Variants in SLCO1C1 observed in about 807,000 individuals in gnomAD.
SLCO1C1 encodes the protein solute carrier organic anion transporter family member 1C1.
In SLCO1C1, 70 loss-of-function variants were observed where a neutral mutation model predicts 76.4. The ratio of observed to expected loss-of-function variants is 0.92; its 90% CI spans 0.76 to 1.12. The LOEUF (loss-of-function observed/expected upper bound fraction) is 1.12. SLCO1C1 is among the 50% of genes most tolerant of loss of function. SLCO1C1 has a pLI of 0.00. For synonymous variants in SLCO1C1, 306 were observed against 286.1 expected (o/e 1.07, Z -0.70); for missense variants, 912 against 823.8 (o/e 1.11, Z -1.31).
intron 2 of SLCO1C1, chr12:20,700,170 G>A (rs1032525986): frequency 6.6e-6 from 1 of 150,652 alleles, no homozygotes; most frequent in African/African-American, 2.4e-5. Flanking sequence ...ATTTTCCAAA[G>A]AGACTACATC....
intron 10 of SLCO1C1, among the ~76,000 whole-genome samples, chr12:20,735,379 C>T (rs1185841154): frequency 6.6e-6 from 1 of 152,126 alleles, no homozygotes; most frequent in African/African-American, 2.4e-5. Context: ...GCATGTTACC[C>T]ACCCACGTAG....
intron 4 of SLCO1C1, 151 bp from the exon 5 acceptor site, chr12:20,711,235 C>G (rs1369813821): frequency 1.6e-5 from 13 of 790,306 alleles, no homozygotes; most frequent in Admixed American, 3.2e-5. Flanking sequence ...TCAGCAAAAT[C>G]TGCTGTTAAA....
intron 1 of SLCO1C1, among the ~76,000 whole-genome samples, chr12:20,696,202 G>A (rs1433477683): frequency 6.6e-6 from 1 of 152,124 alleles, no homozygotes; most frequent in Non-Finnish European, 1.5e-5. Flanking sequence ...TATTAGGTGA[G>A]AAATTAGTTT....
chr12:20,711,345 G>T, intron 4 of SLCO1C1, 41 bp from the exon 5 acceptor site: 2 of 1,597,200 alleles, frequency 1.3e-6, no homozygotes, highest in Non-Finnish European at 1.7e-6. Flanking sequence ...TTAGTATGAT[G>T]TTAATGAGTC....
rs529826736 is a variant in SLCO1C1, at chr12:20,707,306, G to A, written c.404+1225G>A. 5.3e-5 allele frequency among the ~76,000 whole-genome samples: 8 copies of A among 152,070 alleles called. No homozygotes were observed. In the South Asian group the frequency reaches 8.3e-4, roughly 16 times the overall value. On this transcript the variant is annotated intron_variant, in intron 4 of 14. Transcript: ENST00000266509. The stretch of plus-strand genomic sequence containing the variant: ...GGGAAGGAGAAGAATGAGAAAATGG[G>A]TCTCCAACCTGCCTACTCCCTGCTT...
intron 7 of SLCO1C1, among the ~76,000 whole-genome samples, chr12:20,718,632 G>C (rs1261983437): frequency 6.6e-6 from 1 of 152,110 alleles, no homozygotes; most frequent in Non-Finnish European, 1.5e-5. Context: ...ACTGGAGGGT[G>C]CAGAGCATAA....
In SLCO1C1 at chr12:20,715,243, C is replaced by G; in HGVS notation, c.634C>G (p.Leu212Val). 6.2e-7 allele frequency: 1 copy of G among 1,613,982 alleles called. No individual in the cohort carries two copies. Among genetic ancestry groups the G allele is most frequent in the Non-Finnish European group, 8.5e-7 (1 of 1,179,914 alleles). ...TPIQPLGIAYLDDFASEDNAA... is the reference protein window; with the variant it reads ...TPIQPLGIAYVDDFASEDNAA... ...CATTCAGCCTTTGGGCATTGCCTAC[C>G]TGGATGATTTTGCCAGTGAAGACAA... The change falls in exon 6 of 15, where the codon CTG becomes GTG. Residue 212 changes from leucine to valine, a missense_variant. Coordinates refer to ENST00000266509, the MANE Select transcript of SLCO1C1 (RefSeq NM_017435.5).
At chr12:20,710,223 T>TTTTTTTTTTTTTTTTTTC (rs1555122286) in intron 4 of SLCO1C1, among the ~76,000 whole-genome samples, 1 of 133,776 alleles carries the variant, frequency 7.5e-6, no homozygotes, top group African/African-American at 2.7e-5. Flanking sequence ...TTTTTTTTTT[T>TTTTTTTTTTTTTTTTTTC]TTGAGATGGA....
chr12:20,699,564 G>A lies in SLCO1C1; in HGVS notation c.-13G>A. 6.3e-7 allele frequency: 1 copy of A among 1,599,492 alleles called. No homozygotes were observed. The highest frequency in any genetic ancestry group is 8.5e-7 in the Non-Finnish European group (1 of 1,174,944). On this transcript the variant is annotated 5_prime_UTR_variant, in exon 2 of 15. Transcript: ENST00000266509. ...CTAACTTTGACAGATCAGAGTCAAG[G>A]AATGTGTTTATAATGGACACTTCAT... is the stretch of plus-strand genomic sequence containing the variant.
chr12:20,752,630 C>G lies in SLCO1C1; in HGVS notation c.*102C>G. On this transcript the variant is annotated 3_prime_UTR_variant, in exon 15 of 15. Transcript: ENST00000266509. The stretch of plus-strand genomic sequence containing the variant: ...TAAATTTGTAATTTCTTTCTCCTTT[C>G]AAAAAATGTCTACTTTGTTTTGGTC... The G allele has an allele frequency of 1.0e-6, 1 of 956,674 alleles. No homozygotes were observed. The highest frequency in any genetic ancestry group is 1.5e-6 in the Non-Finnish European group (1 of 665,124). The allele number at this position is 956,674 out of a possible 1,614,324, so 59.3% of individuals were successfully genotyped here. A position where few individuals can be genotyped will look rare whatever the true frequency, so the allele number is the denominator to read the frequency against.
chr12:20,745,167 G>C (rs2120909784), intron 13 of SLCO1C1, among the ~76,000 whole-genome samples: 1 of 152,186 alleles, frequency 6.6e-6, no homozygotes, highest in East Asian at 1.9e-4. Flanking sequence ...AGGGAAGAGG[G>C]ATAAATTTCA....
chr12:20,745,381 AGATT>A (rs940010726), intron 13 of SLCO1C1, among the ~76,000 whole-genome samples: 8 of 152,290 alleles, frequency 5.3e-5, no homozygotes, highest in African/African-American at 1.7e-4. Flanking sequence ...AAATCTTCAT[AGATT>A]AACTGGATTT....
chr12:20,712,966 T>C (rs969853955), intron 5 of SLCO1C1, among the ~76,000 whole-genome samples: 2 of 152,172 alleles, frequency 1.3e-5, no homozygotes, highest in African/African-American at 2.4e-5. Flanking sequence ...GCAGCCTTGT[T>C]TATGTAAAAA....
At chr12:20,703,948 A>AGTGTGTGTGT (rs1454879675) in intron 3 of SLCO1C1, among the ~76,000 whole-genome samples, 2 of 102,034 alleles carry the variant, frequency 2.0e-5, no homozygotes, top group Non-Finnish European at 3.9e-5. Context: ...TGTTATCTCG[A>AGTGTGTGTGT]GTGTGTCTGT....
intron 13 of SLCO1C1, among the ~76,000 whole-genome samples, chr12:20,749,325 G>A (rs1043957564): frequency 1.3e-5 from 2 of 152,202 alleles, no homozygotes; most frequent in East Asian, 3.9e-4. Context: ...AACGAGTGAT[G>A]TAGGCAGAGA....
chr12:20,727,659 G>A (rs776708826), intron 9 of SLCO1C1, among the ~76,000 whole-genome samples: 39 of 152,008 alleles, frequency 2.6e-4, no homozygotes, highest in Non-Finnish European at 4.4e-4. Context: ...ACAGGCGCCC[G>A]CCACCACGCC....
At chr12:20,716,277 A>G (rs1947357226) in intron 6 of SLCO1C1, among the ~76,000 whole-genome samples, 1 of 152,198 alleles carries the variant, frequency 6.6e-6, no homozygotes, top group Admixed American at 6.5e-5. Flanking sequence ...CATCACCTGC[A>G]CTAGGCAATT....
intron 9 of SLCO1C1, among the ~76,000 whole-genome samples, chr12:20,725,974 A>C (rs1947965006): frequency 6.6e-6 from 1 of 152,084 alleles, no homozygotes; most frequent in African/African-American, 2.4e-5. Flanking sequence ...AGTATCTAAC[A>C]ATTTTACATC....
intron 4 of SLCO1C1, among the ~76,000 whole-genome samples, chr12:20,710,957 C>A (rs1947064673): frequency 6.6e-6 from 1 of 152,030 alleles, no homozygotes; most frequent in Non-Finnish European, 1.5e-5. Context: ...TTGACTGGCC[C>A]AGGTACGTGT....
Sources: gnomAD v4.1 joint callset for allele counts (sites outside exome capture counted in the v4.1 genomes callset) on GRCh38, gnomAD v4.1.1 for gene constraint, MANE v1.5 for transcripts, NCBI Gene and HGNC (gene_info 2026-07-23, HGNC 2026-07-21) for gene names.